OPCML: variants seen among roughly 807,000 people sequenced by gnomAD.
OPCML encodes opioid binding protein/cell adhesion molecule like, also known as opioid-binding protein/cell adhesion molecule.
In OPCML, 13 loss-of-function variants were observed where a neutral mutation model predicts 37.8. That is an observed-to-expected ratio of 0.34 (90% CI 0.22 to 0.55). The LOEUF is 0.55. Among genes scored for constraint, OPCML ranks in the 20% least tolerant of loss-of-function variants. The pLI is 0.91. For missense variants in OPCML, 341 were observed against 435.6 expected (o/e 0.78, Z 1.93); for synonymous variants, 176 against 168.8 (o/e 1.04, Z -0.33).
At chr11:132,806,424 AT>A (rs1283089948) in intron 2 of OPCML, among the ~76,000 whole-genome samples, 13 of 152,292 alleles carry the variant, frequency 8.5e-5, no homozygotes, top group Middle Eastern at 6.8e-3. Flanking sequence ...AAGATATAAC[AT>A]GCAAGCTGCA....
At chr11:132,711,721 G>A (rs1944270229) in intron 2 of OPCML, among the ~76,000 whole-genome samples, 1 of 152,058 alleles carries the variant, frequency 6.6e-6, no homozygotes, top group East Asian at 1.9e-4. Context: ...CATGTGTGTG[G>A]TATACATATG....
At chr11:133,035,926 G>GA (rs397792232) in intron 1 of OPCML, among the ~76,000 whole-genome samples, 2 of 151,642 alleles carry the variant, frequency 1.3e-5, no homozygotes, top group South Asian at 4.2e-4. Context: ...AGAGGCCTCG[G>GA]AGAAACCAAA....
At chr11:132,946,161 A>T (rs1945741553) in intron 1 of OPCML, among the ~76,000 whole-genome samples, 2 of 152,166 alleles carry the variant, frequency 1.3e-5, no homozygotes, top group Non-Finnish European at 2.9e-5. Flanking sequence ...CAGGATGATC[A>T]GTATCAGTGT....
chr11:133,438,193 A>T (rs953469036), intron 1 of OPCML, among the ~76,000 whole-genome samples: 1 of 152,204 alleles, frequency 6.6e-6, no homozygotes, highest in African/African-American at 2.4e-5. Context: ...GAAGTGTAAG[A>T]ATACTAAATT....
At position 133,174,377 on chromosome 11, in the gene OPCML, C is replaced by T. The variant is rs1322584393; in HGVS notation, c.62-231367G>A. Among the ~76,000 whole-genome samples, 1 of 152,150 alleles carries T rather than the reference C, an allele frequency of 6.6e-6. No homozygotes were observed. The highest frequency in any genetic ancestry group is 1.9e-4 in the East Asian group (1 of 5,178). Reference sequence around the variant, plus strand: ...TCTAGTTTCTCAAAAGCCCCATTCCCTGTGCCTGGTAGTGAAATAAGGCAG... The same window carrying T: ...TCTAGTTTCTCAAAAGCCCCATTCCTTGTGCCTGGTAGTGAAATAAGGCAG... On this transcript the variant is annotated intron_variant, in intron 1 of 7. Coordinates refer to ENST00000524381, the MANE Select transcript of OPCML (RefSeq NM_001012393.5). The surrounding 1 kb of genome is among the most constrained non-coding windows in gnomAD (Gnocchi z 4.6).
chr11:132,518,245 G>GGCC (rs1362945432), intron 4 of OPCML, among the ~76,000 whole-genome samples: 1 of 151,956 alleles, frequency 6.6e-6, no homozygotes, highest in Non-Finnish European at 1.5e-5. Flanking sequence ...ACCCCCGACA[G>GGCC]GCCCCAGTGT....
intron 1 of OPCML, among the ~76,000 whole-genome samples, chr11:133,308,629 C>T (rs149966956): frequency 1.3e-5 from 2 of 152,220 alleles, no homozygotes; most frequent in East Asian, 1.9e-4. Context: ...CTCAGAGAAA[C>T]TAGATGCAGT....
intron 2 of OPCML, among the ~76,000 whole-genome samples, chr11:132,692,473 T>C (rs920466736): frequency 6.6e-6 from 1 of 152,230 alleles, no homozygotes; most frequent in Non-Finnish European, 1.5e-5. Context: ...AAAGAGAACC[T>C]GACTATATTG....
At chr11:133,089,176 T>C (rs186655916) in intron 1 of OPCML, among the ~76,000 whole-genome samples, 10 of 152,304 alleles carry the variant, frequency 6.6e-5, no homozygotes, top group Non-Finnish European at 1.3e-4. Flanking sequence ...GCAGAACCAA[T>C]TGCCTGTTCA....
chr11:133,481,556 G>A (rs1444459457), intron 1 of OPCML, among the ~76,000 whole-genome samples: 4 of 152,152 alleles, frequency 2.6e-5, no homozygotes, highest in African/African-American at 9.7e-5. Flanking sequence ...GAATTATTTT[G>A]TAGCAGAGGT....
chr11:133,198,016 G>C (rs1427940770), intron 1 of OPCML, among the ~76,000 whole-genome samples: 2 of 152,128 alleles, frequency 1.3e-5, no homozygotes, highest in Non-Finnish European at 2.9e-5. Flanking sequence ...CTATTTTCAA[G>C]GTACTCCTTC....
chr11:133,138,559 A>G (rs955553708), intron 1 of OPCML, among the ~76,000 whole-genome samples: 1 of 152,138 alleles, frequency 6.6e-6, no homozygotes, highest in African/African-American at 2.4e-5. Context: ...AAATAGGACA[A>G]TCTGCTTAAT....
intron 1 of OPCML, among the ~76,000 whole-genome samples, chr11:133,034,558 A>G (rs1377640847): frequency 6.6e-6 from 1 of 152,138 alleles, no homozygotes; most frequent in Non-Finnish European, 1.5e-5. Flanking sequence ...ATCTCCTTCT[A>G]ACTCTGTGAC....
intron 1 of OPCML, among the ~76,000 whole-genome samples, chr11:133,112,291 A>G (rs536491548): frequency 2.3e-3 from 330 of 141,872 alleles, no homozygotes; most frequent in African/African-American, 8.4e-3. Context: ...TGGCCAAAAA[A>G]AAAAAAAAAA....
intron 7 of OPCML, among the ~76,000 whole-genome samples, chr11:132,434,163 C>T (rs1433255722): frequency 6.6e-6 from 1 of 152,174 alleles, no homozygotes; most frequent in East Asian, 1.9e-4. Context: ...ACCCTATCCT[C>T]TCAGTGTTTT....
At chr11:132,808,573 A>G (rs1464983708) in intron 2 of OPCML, among the ~76,000 whole-genome samples, 1 of 152,204 alleles carries the variant, frequency 6.6e-6, no homozygotes, top group Non-Finnish European at 1.5e-5. Context: ...ATCATTGGGT[A>G]TAACCCTGTG....
chr11:133,523,828 G>A (rs77133980), intron 1 of OPCML, among the ~76,000 whole-genome samples: 9 of 152,238 alleles, frequency 5.9e-5, no homozygotes, highest in African/African-American at 2.2e-4. Flanking sequence ...TTGCTCTTGG[G>A]TGTGGATAAT....
intron 7 of OPCML, among the ~76,000 whole-genome samples, chr11:132,433,769 A>G (rs752256944): frequency 6.6e-6 from 1 of 152,112 alleles, no homozygotes; most frequent in Non-Finnish European, 1.5e-5. Flanking sequence ...CTCTTTTTCT[A>G]TGAGAATTCA....
At chr11:132,443,211 G>C (rs550398645) in intron 4 of OPCML, among the ~76,000 whole-genome samples, 1 of 152,168 alleles carries the variant, frequency 6.6e-6, no homozygotes, top group South Asian at 2.1e-4. Flanking sequence ...GTGCCACCAA[G>C]GAAAAGAACA....
Sources: allele counts gnomAD v4.1 joint callset (sites outside exome capture counted in the v4.1 genomes callset), GRCh38; gene constraint gnomAD v4.1.1; non-coding constraint Gnocchi (gnomAD v3.1); transcripts MANE v1.5; gene names NCBI Gene and HGNC (gene_info 2026-07-23, HGNC 2026-07-21).